The following UGT1A10 variants were observed in gnomAD, a reference collection of about 807,000 sequenced individuals.
UGT1A10 encodes UDP-glucuronosyltransferase 1A10.
In UGT1A10, 49 loss-of-function variants were observed where a neutral mutation model predicts 45.8. The ratio of observed to expected loss-of-function variants is 1.07; its 90% CI spans 0.85 to 1.36. The LOEUF (loss-of-function observed/expected upper bound fraction) is 1.36, where lower values mean the gene tolerates loss of function less well. UGT1A10 is among the 40% of genes most tolerant of loss of function. The pLI is 0.00. For missense variants in UGT1A10, 745 were observed against 668.6 expected, an observed-to-expected ratio of 1.11 and a Z score of -1.26; for synonymous variants, 284 against 249.7, an observed-to-expected ratio of 1.14 and a Z score of -1.29.
At chr2:233,755,106 A>C in intron 1 of UGT1A10, 1 of 1,334,076 alleles carries the variant, frequency 7.5e-7, no homozygotes, top group Non-Finnish European at 1.0e-6. Flanking sequence ...GTCCGACAAC[A>C]CCTCGTAGGC....
intron 1 of UGT1A10, among the ~76,000 whole-genome samples, chr2:233,656,637 A>C (rs11892031): frequency 0.11 from 16,059 of 152,188 alleles, 978 homozygotes; most frequent in African/African-American, 0.17. Context: ...AAGTCCACTG[A>C]GTCCATCTCA....
chr2:233,729,216 G>C, intron 1 of UGT1A10: 1 of 1,614,144 alleles, frequency 6.2e-7, no homozygotes, highest in Non-Finnish European at 8.5e-7. Flanking sequence ...AGAGTGGAAA[G>C]GTGTTGGTGG....
intron 1 of UGT1A10, among the ~76,000 whole-genome samples, chr2:233,698,964 G>T (rs996769646): frequency 6.6e-6 from 1 of 152,212 alleles, no homozygotes; most frequent in Non-Finnish European, 1.5e-5. Flanking sequence ...GGCCCTTGGG[G>T]AAGCCCTTTG....
intron 1 of UGT1A10, chr2:233,760,131 T>A: frequency 7.3e-7 from 1 of 1,362,720 alleles, no homozygotes; most frequent in African/African-American, 1.5e-5. Context: ...TCCACCTTCT[T>A]TATCTCTGAA....
At chr2:233,695,250 T>C (rs1030410433) in intron 1 of UGT1A10, among the ~76,000 whole-genome samples, 1 of 151,642 alleles carries the variant, frequency 6.6e-6, no homozygotes, top group Admixed American at 6.6e-5. Flanking sequence ...CTCAGCCTCC[T>C]GAGTAGCTGG....
chr2:233,772,072 C>T (rs1304190129), intron 4 of UGT1A10, among the ~76,000 whole-genome samples, 190 bp from the exon 5 acceptor site: 2 of 152,100 alleles, frequency 1.3e-5, no homozygotes, highest in Non-Finnish European at 2.9e-5. Flanking sequence ...ATGCTTGTGC[C>T]ACTACACTCC....
intron 1 of UGT1A10, among the ~76,000 whole-genome samples, chr2:233,679,947 G>A (rs1490488380): frequency 6.6e-6 from 1 of 152,082 alleles, no homozygotes; most frequent in Admixed American, 6.6e-5. Context: ...AAGATGCGAG[G>A]TTTGGCTCCT....
chr2:233,642,487 C>T (rs904770547), intron 1 of UGT1A10, among the ~76,000 whole-genome samples: 1 of 152,154 alleles, frequency 6.6e-6, no homozygotes, highest in Non-Finnish European at 1.5e-5. Context: ...TGAAAGGTCG[C>T]TTATATCTGT....
intron 1 of UGT1A10, chr2:233,729,464 G>T: frequency 6.2e-7 from 1 of 1,614,158 alleles, no homozygotes; most frequent in Non-Finnish European, 8.5e-7. Context: ...TTTTTCAGAA[G>T]TATGGCAATG....
At chr2:233,724,348 C>A (rs1263010840) in intron 1 of UGT1A10, among the ~76,000 whole-genome samples, 27 of 144,638 alleles carry the variant, frequency 1.9e-4, no homozygotes, top group Non-Finnish European at 2.3e-4. Context: ...TGACCCCCCC[C>A]ACCTCCCTCC....
intron 1 of UGT1A10, among the ~76,000 whole-genome samples, chr2:233,745,730 G>T (rs1693190867): frequency 6.6e-6 from 1 of 150,482 alleles, no homozygotes; most frequent in Non-Finnish European, 1.5e-5. Context: ...GAGGGTAAGA[G>T]GCAGAGGGAG....
At chr2:233,719,666 C>CA in intron 1 of UGT1A10, 22 of 1,614,092 alleles carry the variant, frequency 1.4e-5, no homozygotes, top group Non-Finnish European at 1.9e-5. Context: ...TCAACTGTGC[C>CA]AACGGGAAGC....
chr2:233,718,634 G>C (rs2076669947), intron 1 of UGT1A10: 1 of 1,457,400 alleles, frequency 6.9e-7, no homozygotes, highest in Non-Finnish European at 9.2e-7. Flanking sequence ...GTCTTTCCCA[G>C]GGTTGGGCCC....
chr2:233,651,994 GA>G (rs909221234), intron 1 of UGT1A10, among the ~76,000 whole-genome samples: 35 of 147,968 alleles, frequency 2.4e-4, no homozygotes, highest in African/African-American at 6.9e-4. Flanking sequence ...TTTTAATTAA[GA>G]AAAAAAAAAG....
intron 1 of UGT1A10, among the ~76,000 whole-genome samples, chr2:233,742,165 C>A (rs1314313900): frequency 2.0e-5 from 3 of 151,916 alleles, no homozygotes; most frequent in Non-Finnish European, 2.9e-5. Context: ...AAGACACACA[C>A]ACAGAAATAT....
In UGT1A10 at chr2:233,685,280, G is replaced by A. The variant is rs141032046; in HGVS notation, c.855+47903G>A. Among the ~76,000 whole-genome samples the A allele has an allele frequency of 1.9e-3, 285 of 152,202 alleles. 2 individuals are homozygous for A. The highest frequency in any genetic ancestry group is 6.4e-3 in the African/African-American group (266 of 41,544). On this transcript the variant is annotated intron_variant, in intron 1 of 4. Transcript: ENST00000344644. ...ACTCCTGACCTCAAGTGATCCGCCC[G>A]CCTCCGCCTTTCAAAGTGTTGAGAT... is the stretch of plus-strand genomic sequence containing the variant.
chr2:233,751,479 G>A (rs184268355), intron 1 of UGT1A10, among the ~76,000 whole-genome samples: 7 of 152,348 alleles, frequency 4.6e-5, no homozygotes, highest in Admixed American at 3.9e-4. Flanking sequence ...GTTTTGAAAT[G>A]TGAAAAGACA....
Position 233,771,783 on chromosome 2 carries a change from TCTCC to T in UGT1A10, c.1296-460_1296-457del, listed in dbSNP as rs562104634. ...TCCTCCGTCCCTCTCTCCTTTCCTC[TCTCC>T]CTCCCTCCCTCCCTCCCTTCCTCCT... On this transcript the variant is annotated intron_variant, in intron 4 of 4. Coordinates refer to ENST00000344644, the MANE Select transcript of UGT1A10 (RefSeq NM_019075.4). Among the ~76,000 whole-genome samples, 597 of 151,668 alleles carry T rather than the reference TCTCC, an allele frequency of 3.9e-3. 3 individuals carry two copies. The Middle Eastern group carries it at 0.041, about 10-fold the overall frequency.
rs562176339 is a variant in UGT1A10, at chr2:233,684,071, T to C, written c.855+46694T>C. ...ACACCTGGTGTCTGATCTAAGTATA[T>C]TATTTTGTTAGGGATGGAGTATACA... On this transcript the variant is annotated intron_variant, in intron 1 of 4. Transcript: ENST00000344644. Among the ~76,000 whole-genome samples the C allele has an allele frequency of 3.2e-4, 48 of 152,310 alleles. 1 individual carries two copies. Among genetic ancestry groups the C allele is most frequent in the Admixed American group, 6.5e-4 (10 of 15,294 alleles).
Sources: allele counts gnomAD v4.1 joint callset (sites outside exome capture counted in the v4.1 genomes callset), GRCh38; gene constraint gnomAD v4.1.1; transcripts MANE v1.5; gene names NCBI Gene and HGNC (gene_info 2026-07-23, HGNC 2026-07-21).